ZMAT4: variants seen among roughly 807,000 people sequenced by gnomAD.
ZMAT4 encodes the protein zinc finger matrin-type 4, also known as zinc finger matrin-type protein 4.
Under a neutral mutation model 28.7 loss-of-function variants are expected in ZMAT4, and 17 were observed. That is an observed-to-expected ratio of 0.59 (90% CI 0.41 to 0.89). ZMAT4 has a LOEUF of 0.89. Among genes scored for constraint, ZMAT4 ranks in the 40% least tolerant of loss-of-function variants. ZMAT4 has a pLI of 0.00. For missense variants in ZMAT4, 240 were observed against 283.8 expected (o/e 0.85, Z 1.11); for synonymous variants, 117 against 109.2 (o/e 1.07, Z -0.44).
intron 3 of ZMAT4, among the ~76,000 whole-genome samples, chr8:40,752,352 G>A (rs533195847): frequency 2.7e-4 from 41 of 152,278 alleles, no homozygotes; most frequent in African/African-American, 9.6e-4. Flanking sequence ...ATCAGAGAAG[G>A]AGAAAGTCTT....
Position 40,845,460 on chromosome 8 carries a change from C to T in ZMAT4, c.-4-19780G>A, listed in dbSNP as rs571355665. On this transcript the variant is annotated intron_variant, in intron 1 of 6. Transcript: ENST00000297737. Reference sequence around the variant, plus strand: ...TCAGATTCTGGTCTCTCCCAGACACCGTGTGCCAGTTGACAATTTTTCTGC... The same window carrying T: ...TCAGATTCTGGTCTCTCCCAGACACTGTGTGCCAGTTGACAATTTTTCTGC... Among the ~76,000 whole-genome samples, 14 of 152,158 alleles carry T rather than the reference C, an allele frequency of 9.2e-5. No individual in the cohort carries two copies. The East Asian group carries it at 1.7e-3, about 19-fold the overall frequency.
At chr8:40,615,719 C>T (rs2599692) in intron 5 of ZMAT4, among the ~76,000 whole-genome samples, 70,439 of 152,034 alleles carry the variant, frequency 0.46, 18,539 homozygotes, top group Non-Finnish European at 0.6. Context: ...TTGATCGAAT[C>T]GGATACTGAA....
chr8:40,742,962 A>T (rs1321310523), intron 3 of ZMAT4, among the ~76,000 whole-genome samples: 1 of 152,182 alleles, frequency 6.6e-6, no homozygotes, highest in Non-Finnish European at 1.5e-5. Flanking sequence ...CTGTAATCCT[A>T]GCACTTTGGG....
intron 2 of ZMAT4, among the ~76,000 whole-genome samples, chr8:40,774,792 A>G (rs984073462): frequency 6.6e-6 from 1 of 152,106 alleles, no homozygotes; most frequent in Non-Finnish European, 1.5e-5. Context: ...ATCTAGGAAG[A>G]AATGTACAAA....
At chr8:40,854,182 C>T (rs1397670736) in intron 1 of ZMAT4, among the ~76,000 whole-genome samples, 2 of 152,128 alleles carry the variant, frequency 1.3e-5, no homozygotes, top group Non-Finnish European at 2.9e-5. Context: ...ATTTCAACAC[C>T]AGATTTGGAA....
chr8:40,801,190 A>G (rs1336587511), intron 2 of ZMAT4, among the ~76,000 whole-genome samples: 5 of 151,530 alleles, frequency 3.3e-5, no homozygotes, highest in Non-Finnish European at 5.9e-5. Context: ...GATAATGTTA[A>G]TAGGCCTATA....
At chr8:40,625,738 A>G (rs1352509820) in intron 5 of ZMAT4, among the ~76,000 whole-genome samples, 6 of 152,154 alleles carry the variant, frequency 3.9e-5, no homozygotes, top group South Asian at 4.1e-4. Context: ...ATGTAGAGCA[A>G]GGAGGTGGGT....
chr8:40,653,556 A>C (rs1461941545), intron 5 of ZMAT4, among the ~76,000 whole-genome samples: 1 of 152,144 alleles, frequency 6.6e-6, no homozygotes, highest in Non-Finnish European at 1.5e-5. Context: ...CTAAACTAAA[A>C]AATGAAAGAG....
intron 1 of ZMAT4, among the ~76,000 whole-genome samples, chr8:40,895,850 G>A (rs555253555): frequency 1.1e-3 from 163 of 152,282 alleles, no homozygotes; most frequent in African/African-American, 3.7e-3. Flanking sequence ...CACGTGCTGG[G>A]GGCTGCCCCT....
chr8:40,760,101 ACAAGAC>A (rs1946966512), intron 3 of ZMAT4, among the ~76,000 whole-genome samples: 1 of 152,148 alleles, frequency 6.6e-6, no homozygotes, highest in Admixed American at 6.5e-5. Context: ...AAGAATGCAG[ACAAGAC>A]ACCACTACTG....
At chr8:40,589,994 T>TTCCTTCCTTCCG (rs1804832726) in intron 5 of ZMAT4, among the ~76,000 whole-genome samples, 4 of 112,018 alleles carry the variant, frequency 3.6e-5, no homozygotes, top group African/African-American at 1.3e-4. Context: ...CCTTCCTTCC[T>TTCCTTCCTTCCG]TCCTTCCTTC....
chr8:40,543,007 A>G (rs1295264517), intron 6 of ZMAT4, among the ~76,000 whole-genome samples: 1 of 152,190 alleles, frequency 6.6e-6, no homozygotes, highest in Non-Finnish European at 1.5e-5. Flanking sequence ...CTCAGCTCCA[A>G]GTTCAGCAGT....
intron 5 of ZMAT4, among the ~76,000 whole-genome samples, chr8:40,609,024 A>G (rs967299501): frequency 6.6e-6 from 1 of 152,084 alleles, no homozygotes; most frequent in Admixed American, 6.6e-5. Context: ...AAAATTCACA[A>G]TGTGAGTGTC....
intron 1 of ZMAT4, among the ~76,000 whole-genome samples, chr8:40,873,540 G>A (rs956305990): frequency 1.3e-5 from 2 of 152,096 alleles, no homozygotes; most frequent in Non-Finnish European, 2.9e-5. Context: ...GTTTTACAGA[G>A]GAGTCTCTGT....
At chr8:40,663,868 A>C (rs1808298340) in intron 5 of ZMAT4, among the ~76,000 whole-genome samples, 1 of 152,200 alleles carries the variant, frequency 6.6e-6, no homozygotes, top group South Asian at 2.1e-4. Flanking sequence ...CAGCTTTCAG[A>C]GATTGAAAAT....
intron 2 of ZMAT4, among the ~76,000 whole-genome samples, chr8:40,820,951 G>C (rs1289931821): frequency 6.5e-5 from 3 of 45,994 alleles, no homozygotes; most frequent in Non-Finnish European, 1.4e-4. Context: ...GCATATATGT[G>C]TGTGTCTGTG....
At chr8:40,739,152 T>C (rs1159972999) in intron 3 of ZMAT4, among the ~76,000 whole-genome samples, 1 of 152,220 alleles carries the variant, frequency 6.6e-6, no homozygotes, top group Non-Finnish European at 1.5e-5. Context: ...GGGTGGATGT[T>C]AATACATTTG....
At chr8:40,711,975 T>C (rs899679368) in intron 3 of ZMAT4, among the ~76,000 whole-genome samples, 2 of 152,210 alleles carry the variant, frequency 1.3e-5, no homozygotes, top group African/African-American at 4.8e-5. Context: ...AATAAAAGGT[T>C]TATAAAAGAT....
chr8:40,798,508 C>A (rs528278373), intron 2 of ZMAT4, among the ~76,000 whole-genome samples: 2 of 152,128 alleles, frequency 1.3e-5, no homozygotes, highest in Admixed American at 6.5e-5. Context: ...ACCTCTTACT[C>A]CCTGACTGAT....
Sources: allele counts gnomAD v4.1 joint callset (sites outside exome capture counted in the v4.1 genomes callset), GRCh38; gene constraint gnomAD v4.1.1; transcripts MANE v1.5; gene names NCBI Gene and HGNC (gene_info 2026-07-23, HGNC 2026-07-21).